Variants in LITAF observed in about 807,000 individuals in gnomAD.
LITAF encodes lipopolysaccharide induced TNF factor, also known as lipopolysaccharide-induced tumor necrosis factor-alpha factor.
A neutral mutation model predicts 14.5 loss-of-function variants in LITAF; 9 were observed. That is an observed-to-expected ratio of 0.62 (90% CI 0.37 to 1.08). The LOEUF is 1.08. Among genes scored for constraint, LITAF ranks in the 50% least tolerant of loss-of-function variants. The pLI is 0.01. For synonymous variants in LITAF, 98 were observed against 88.2 expected, an observed-to-expected ratio of 1.11 and a Z score of -0.62; for missense variants, 206 against 213.4, an observed-to-expected ratio of 0.97 and a Z score of 0.22.
upstream of LITAF, among the ~76,000 whole-genome samples, chr16:11,588,896 C>T (rs199562701): frequency 6.7e-6 from 1 of 149,936 alleles, no homozygotes; most frequent in Non-Finnish European, 1.5e-5. Flanking sequence ...CCTTTCCTCC[C>T]TTCCTCGCTT....
Position 11,569,148 on chromosome 16 carries a change from C to T in LITAF, c.-5-12413G>A, listed in dbSNP as rs372013232. ...CAGCTGAACAGGACGCGGGGGCTTC[C>T]GAGCAGAATCCCATCAGAAATTGGC... On this transcript the variant is annotated intron_variant, in intron 1 of 3. Coordinates refer to ENST00000622633, the MANE Select transcript of LITAF (RefSeq NM_001136472.2). Among the ~76,000 whole-genome samples the T allele has an allele frequency of 8.5e-5, 13 of 152,242 alleles. No homozygotes were observed. In the South Asian group the frequency reaches 2.1e-3, roughly 24 times the overall value.
chr16:11,609,864 G>A (rs1248311776), intron 3 of LITAF, among the ~76,000 whole-genome samples: 1 of 152,194 alleles, frequency 6.6e-6, no homozygotes, highest in Non-Finnish European at 1.5e-5. Flanking sequence ...GGCTTTCCTG[G>A]CCAGTGATGG....
chr16:11,553,727 G>C lies in LITAF; in HGVS notation c.221-38C>G, dbSNP rs1226933282. On this transcript the variant is annotated intron_variant, in intron 2 of 3. Transcript: ENST00000622633. This position sits in a 1 kb window ranked among gnomAD's most constrained non-coding sequence, Gnocchi z 7.7. Reference sequence around the variant, plus strand: ...AGAGGGACAAACACAGGTTGCTCAGGAAACAAGGCCAATAGCATTCACTAC... The same window carrying C: ...AGAGGGACAAACACAGGTTGCTCAGCAAACAAGGCCAATAGCATTCACTAC... 1 of 1,612,506 alleles carries C rather than the reference G, an allele frequency of 6.2e-7. No individual in the cohort carries two copies. Among genetic ancestry groups the C allele is most frequent in the South Asian group, 1.1e-5 (1 of 90,912 alleles).
intron 3 of LITAF, among the ~76,000 whole-genome samples, chr16:11,608,464 T>C (rs1459086776): frequency 2.0e-5 from 3 of 152,088 alleles, no homozygotes; most frequent in South Asian, 2.1e-4. Flanking sequence ...CCCACAAGAA[T>C]TGAAAACCTA....
In LITAF at chr16:11,616,424, C is replaced by G. The variant is rs532917516; in HGVS notation, c.85+17109G>C. 3.1e-3 allele frequency among the ~76,000 whole-genome samples: 463 copies of G among 151,696 alleles called. 2 individuals are homozygous for G. Among genetic ancestry groups the G allele is most frequent in the African/African-American group, 0.011 (434 of 41,318 alleles). On this transcript the variant is annotated intron_variant, in intron 3 of 3. Coordinates refer to the LITAF transcript ENST00000574848. ...GCTAGGAGGTTGAGGCTGCAGTGAG[C>G]TACGATTGTGCCACTGCACTCCAGC...
intron 2 of LITAF, chr16:11,556,193 G>T (rs914672325): frequency 9.0e-5 from 44 of 486,318 alleles, no homozygotes; most frequent in Non-Finnish European, 1.5e-4. Context: ...TCAGACCTCA[G>T]GAGGAAGTGT....
intron 1 of LITAF, among the ~76,000 whole-genome samples, chr16:11,562,756 G>A (rs2064388949): frequency 6.6e-6 from 1 of 152,072 alleles, no homozygotes; most frequent in Non-Finnish European, 1.5e-5. Context: ...AATTAGCCGG[G>A]CGTTATGGCA....
Position 11,605,600 on chromosome 16 carries a change from G to T in LITAF, c.85+27933C>A, listed in dbSNP as rs750093306. On this transcript the variant is annotated intron_variant, in intron 3 of 3. Transcript: ENST00000574848. The surrounding 1 kb of genome is among the most constrained non-coding windows in gnomAD (Gnocchi z 4.7). ...ATGAAAAGAAAAAGAATTGAGATGG[G>T]ACAAGGAGTGAGAAGAGGGGAGGAA... Among the ~76,000 whole-genome samples the T allele has an allele frequency of 6.6e-6, 1 of 152,172 alleles. No individual in the cohort carries two copies. Among genetic ancestry groups the T allele is most frequent in the East Asian group, 1.9e-4 (1 of 5,198 alleles).
intron 3 of LITAF, among the ~76,000 whole-genome samples, chr16:11,618,468 G>A (rs997472845): frequency 6.6e-6 from 1 of 152,210 alleles, no homozygotes. Flanking sequence ...CTAACTGTGG[G>A]CAGCTTCTGT....
At chr16:11,574,623 G>A (rs1431426936) in intron 1 of LITAF, among the ~76,000 whole-genome samples, 1 of 152,050 alleles carries the variant, frequency 6.6e-6, no homozygotes, top group Non-Finnish European at 1.5e-5. Flanking sequence ...TCTGGGTAAA[G>A]GTGATGTCAT....
In LITAF at chr16:11,558,110, C is replaced by A. The variant is rs1417478886; in HGVS notation, c.-5-1375G>T. Among the ~76,000 whole-genome samples, 2 of 152,176 alleles carry A rather than the reference C, an allele frequency of 1.3e-5. No homozygotes were observed. The highest frequency in any genetic ancestry group is 3.9e-4 in the East Asian group (2 of 5,192). On this transcript the variant is annotated intron_variant, in intron 1 of 3. Coordinates refer to ENST00000622633, the MANE Select transcript of LITAF (RefSeq NM_001136472.2). This position sits in a 1 kb window ranked among gnomAD's most constrained non-coding sequence, Gnocchi z 4.1. ...GCAGCGAGCCACAACCACCACTCCCCTCTCCCGACACTGTCTGCCTCATTT... is the reference window on the plus strand; with the variant it reads ...GCAGCGAGCCACAACCACCACTCCCATCTCCCGACACTGTCTGCCTCATTT...
chr16:11,614,961 C>A (rs577397740), intron 3 of LITAF, among the ~76,000 whole-genome samples: 1 of 152,176 alleles, frequency 6.6e-6, no homozygotes, highest in Admixed American at 6.6e-5. Flanking sequence ...CCCTGTGGCC[C>A]GCTGTCAGAT....
Position 11,549,649 on chromosome 16 carries a change from G to C in LITAF, c.474C>G (p.Tyr158Ter). The change falls in exon 4 of 4, where the codon TAC (tyrosine) becomes TAG (stop). Residue 158 changes from tyrosine to a stop codon, truncating the protein, a stop_gained. Coordinates refer to ENST00000622633, the MANE Select transcript of LITAF (RefSeq NM_001136472.2). LOFTEE classifies it high-confidence loss of function. This position sits in a 1 kb window ranked among gnomAD's most constrained non-coding sequence, Gnocchi z 4.6. ...CPNCRALLGT[Y>*]KRL ...GTCTGGCTGAGTCCTACAAACGCTT[G>C]TAGGTGCCCAGGAGAGCTCTGCAGT... is the stretch of plus-strand genomic sequence containing the variant. The C allele has an allele frequency of 6.2e-7, 1 of 1,612,972 alleles. No homozygotes were observed. The highest frequency in any genetic ancestry group is 8.5e-7 in the Non-Finnish European group (1 of 1,179,406).
chr16:11,632,023 C>T lies in LITAF; in HGVS notation c.85+1510G>A, dbSNP rs1473458901. ...CTGGGATTACAGGTGTGCGCCACCACGCCCGGCTAATTTTTTTGTCTTTTT... is the reference window on the plus strand; with the variant it reads ...CTGGGATTACAGGTGTGCGCCACCATGCCCGGCTAATTTTTTTGTCTTTTT... On this transcript the variant is annotated intron_variant, in intron 3 of 3. Coordinates refer to the LITAF transcript ENST00000574848. This position sits in a 1 kb window ranked among gnomAD's most constrained non-coding sequence, Gnocchi z 4.8. Among the ~76,000 whole-genome samples, 1 of 151,934 alleles carries T rather than the reference C, an allele frequency of 6.6e-6. No homozygotes were observed.
intron 3 of LITAF, among the ~76,000 whole-genome samples, chr16:11,617,865 T>A (rs1458058597): frequency 6.6e-6 from 1 of 152,102 alleles, no homozygotes; most frequent in Non-Finnish European, 1.5e-5. Flanking sequence ...TATTCATTCA[T>A]TCATTTATTC....
intron 3 of LITAF, among the ~76,000 whole-genome samples, chr16:11,622,420 A>G (rs1003836349): frequency 6.6e-6 from 1 of 152,210 alleles, no homozygotes; most frequent in Admixed American, 6.5e-5. Flanking sequence ...CAAACCCCGG[A>G]TGGCTGGAGA....
chr16:11,592,125 T>A (rs1442188508), upstream of LITAF, among the ~76,000 whole-genome samples: 1 of 152,214 alleles, frequency 6.6e-6, no homozygotes. Context: ...GGAAAACTTT[T>A]GTGCGCCCAA....
At chr16:11,627,189 C>T (rs893692300) in intron 3 of LITAF, among the ~76,000 whole-genome samples, 1 of 152,220 alleles carries the variant, frequency 6.6e-6, no homozygotes, top group African/African-American at 2.4e-5. Flanking sequence ...CAGTAATGGG[C>T]ATGTGACCCA....
chr16:11,626,250 C>A lies in LITAF; in HGVS notation c.85+7283G>T, dbSNP rs936963457. On this transcript the variant is annotated intron_variant, in intron 3 of 3. Coordinates refer to the LITAF transcript ENST00000574848. Reference sequence around the variant, plus strand: ...CTGGAGTGCAGTGGTACAATCTCAGCTCACTGCAACCTCTGCCTCCCAGGT... The same window carrying A: ...CTGGAGTGCAGTGGTACAATCTCAGATCACTGCAACCTCTGCCTCCCAGGT... 6.6e-5 allele frequency among the ~76,000 whole-genome samples: 10 copies of A among 152,330 alleles called. No homozygotes were observed. The East Asian group carries it at 7.7e-4, about 12-fold the overall frequency.
Sources: allele counts gnomAD v4.1 joint callset (sites outside exome capture counted in the v4.1 genomes callset), GRCh38; gene constraint gnomAD v4.1.1; non-coding constraint Gnocchi (gnomAD v3.1); transcripts MANE v1.5; gene names NCBI Gene and HGNC (gene_info 2026-07-23, HGNC 2026-07-21).